The following CDK14 variants were observed in gnomAD, a reference collection of about 807,000 sequenced individuals.
CDK14 encodes cyclin-dependent kinase 14.
A neutral mutation model predicts 60.7 loss-of-function variants in CDK14; 34 were observed. That is an observed-to-expected ratio of 0.56 (90% CI 0.43 to 0.75). The LOEUF is 0.75. CDK14 is among the 30% of genes least tolerant of loss of function. The probability of loss-of-function intolerance (pLI) is 0.00; values close to 1 mark genes in which losing one functional copy is unlikely to be tolerated. For missense variants in CDK14, 482 were observed against 564.1 expected (o/e 0.85, Z 1.47); for synonymous variants, 197 against 203.7 (o/e 0.97, Z 0.28).
intron 14 of CDK14, among the ~76,000 whole-genome samples, chr7:91,129,967 T>G (rs1224308549): frequency 6.6e-6 from 1 of 152,130 alleles, no homozygotes; most frequent in Non-Finnish European, 1.5e-5. Flanking sequence ...CCAATAGATA[T>G]TAAGGTAACA....
intron 14 of CDK14, among the ~76,000 whole-genome samples, chr7:91,159,511 A>G (rs539793728): frequency 6.6e-6 from 1 of 152,338 alleles, no homozygotes; most frequent in East Asian, 1.9e-4. Context: ...AAATAGATCT[A>G]ATTATCAATT....
At chr7:91,172,282 C>A (rs1801544426) in intron 14 of CDK14, among the ~76,000 whole-genome samples, 1 of 152,182 alleles carries the variant, frequency 6.6e-6, no homozygotes, top group South Asian at 2.1e-4. Flanking sequence ...TCAGTATCTT[C>A]CATGACTTGC....
At chr7:90,715,957 T>C (rs533638496) in intron 2 of CDK14, among the ~76,000 whole-genome samples, 1 of 151,854 alleles carries the variant, frequency 6.6e-6, no homozygotes, top group Non-Finnish European at 1.5e-5. Context: ...AATATAGATA[T>C]CAATTTTAAT....
chr7:90,738,772 G>A (rs1239402399), intron 3 of CDK14, among the ~76,000 whole-genome samples: 1 of 152,060 alleles, frequency 6.6e-6, no homozygotes, highest in African/African-American at 2.4e-5. Flanking sequence ...AATGTTTAAG[G>A]TTGACTACAC....
chr7:90,706,725 T>C (rs1801903776), intron 2 of CDK14, among the ~76,000 whole-genome samples: 1 of 152,086 alleles, frequency 6.6e-6, no homozygotes, highest in East Asian at 1.9e-4. Context: ...AACAGAAACA[T>C]TCCTGAGAAA....
chr7:90,612,526 C>T (rs943123689), intron 2 of CDK14, among the ~76,000 whole-genome samples: 1 of 152,142 alleles, frequency 6.6e-6, no homozygotes, highest in African/African-American at 2.4e-5. Context: ...AATCCCAACA[C>T]TATGGGAGGT....
chr7:91,194,238 A>G (rs1419032045), intron 14 of CDK14, among the ~76,000 whole-genome samples: 3 of 152,248 alleles, frequency 2.0e-5, no homozygotes, highest in African/African-American at 7.2e-5. Flanking sequence ...CAAGTACTCA[A>G]TAATTGATTA....
Position 90,823,058 on chromosome 7 carries a change from A to G in CDK14, c.544+32406A>G, listed in dbSNP as rs187163532. Among the ~76,000 whole-genome samples, 249 of 152,282 alleles carry G rather than the reference A, an allele frequency of 1.6e-3. 1 individual carries two copies. The highest frequency in any genetic ancestry group is 3.1e-3 in the Non-Finnish European group (212 of 68,028). On this transcript the variant is annotated intron_variant, in intron 5 of 14. Transcript: ENST00000380050. ...GTGTGTTGCTCTTCCCAGTAGTACTAATTAGGAGATAATAGAAATAGAGGA... is the reference window on the plus strand; with the variant it reads ...GTGTGTTGCTCTTCCCAGTAGTACTGATTAGGAGATAATAGAAATAGAGGA...
intron 14 of CDK14, among the ~76,000 whole-genome samples, chr7:91,162,802 T>C (rs1801211870): frequency 6.6e-6 from 1 of 152,156 alleles, no homozygotes; most frequent in Non-Finnish European, 1.5e-5. Flanking sequence ...ACAAGGCACA[T>C]GGTAAGCGAT....
chr7:90,612,156 G>C (rs911715564), intron 2 of CDK14, among the ~76,000 whole-genome samples: 4 of 151,964 alleles, frequency 2.6e-5, no homozygotes, highest in African/African-American at 4.8e-5. Context: ...TTTTATTTTC[G>C]TGACTTCATT....
intron 4 of CDK14, among the ~76,000 whole-genome samples, chr7:90,777,181 A>C (rs1223303020): frequency 6.6e-6 from 1 of 152,162 alleles, no homozygotes; most frequent in Non-Finnish European, 1.5e-5. Context: ...GATCATAGGC[A>C]GTTGGATGAT....
chr7:90,775,768 C>T (rs941542429), intron 4 of CDK14, among the ~76,000 whole-genome samples: 1 of 110,690 alleles, frequency 9.0e-6, no homozygotes. Flanking sequence ...TCCTCTTTCT[C>T]CCCCCCACCC....
At chr7:90,754,845 A>G (rs1030268557) in intron 4 of CDK14, among the ~76,000 whole-genome samples, 1 of 152,186 alleles carries the variant, frequency 6.6e-6, no homozygotes. Flanking sequence ...AAGACATTCA[A>G]GCGGCCAACA....
At chr7:90,661,322 A>G (rs1325138977) in intron 2 of CDK14, among the ~76,000 whole-genome samples, 1 of 152,226 alleles carries the variant, frequency 6.6e-6, no homozygotes, top group East Asian at 1.9e-4. Context: ...ACTGTAGTGT[A>G]CAACTCTGAG....
intron 14 of CDK14, among the ~76,000 whole-genome samples, chr7:91,137,511 T>G (rs537863833): frequency 6.6e-6 from 1 of 152,266 alleles, no homozygotes; most frequent in South Asian, 2.1e-4. Flanking sequence ...AATAAAAAAT[T>G]TTTAAAGGAC....
intron 7 of CDK14, among the ~76,000 whole-genome samples, chr7:90,908,924 A>G (rs980065094): frequency 6.6e-5 from 10 of 152,070 alleles, no homozygotes; most frequent in Admixed American, 5.9e-4. Flanking sequence ...ACCTTTGTCA[A>G]TTTTTCTATC....
intron 8 of CDK14, among the ~76,000 whole-genome samples, chr7:90,947,057 G>A (rs1194588787): frequency 6.6e-6 from 1 of 152,160 alleles, no homozygotes; most frequent in African/African-American, 2.4e-5. Context: ...GCTTTTCCCT[G>A]CAGTATTTCC....
chr7:90,761,053 C>T (rs1398963099), intron 4 of CDK14, among the ~76,000 whole-genome samples: 2 of 152,182 alleles, frequency 1.3e-5, no homozygotes, highest in African/African-American at 4.8e-5. Context: ...TAGCTTGCAG[C>T]AGATAAACAA....
At chr7:91,009,684 T>G (rs1183523695) in intron 10 of CDK14, among the ~76,000 whole-genome samples, 1 of 152,192 alleles carries the variant, frequency 6.6e-6, no homozygotes, top group Admixed American at 6.5e-5. Flanking sequence ...TTTTATTGGA[T>G]TACTAATTTC....
Sources: allele counts gnomAD v4.1 joint callset (sites outside exome capture counted in the v4.1 genomes callset), GRCh38; gene constraint gnomAD v4.1.1; transcripts MANE v1.5; gene names NCBI Gene and HGNC (gene_info 2026-07-23, HGNC 2026-07-21).